The following PCDHGB4 variants were observed in gnomAD, a reference collection of about 807,000 sequenced individuals.
The protein encoded by PCDHGB4 is protocadherin gamma-B4.
In PCDHGB4, 38 loss-of-function variants were observed where a neutral mutation model predicts 60.5. That is an observed-to-expected ratio of 0.63 (90% CI 0.48 to 0.82). The LOEUF is 0.82. PCDHGB4 is among the 40% of genes least tolerant of loss of function. PCDHGB4 has a pLI of 0.00. For synonymous variants in PCDHGB4, 456 were observed against 509.7 expected, an observed-to-expected ratio of 0.89 and a Z score of 1.42; for missense variants, 1,109 against 1,209.6, an observed-to-expected ratio of 0.92 and a Z score of 1.23.
At position 141,490,440 on chromosome 5, in the gene PCDHGB4, T is replaced by C. The variant is rs560525159; in HGVS notation, c.2398-4367T>C. On this transcript the variant is annotated intron_variant, in intron 1 of 3. Transcript: ENST00000519479. This position sits in a 1 kb window ranked among gnomAD's most constrained non-coding sequence, Gnocchi z 5.4. ...ACCTGCCATTTCAGATTAAGCCTTC[T>C]GAGAACCACTACTCGCTGCTAACCA... 7 of 1,614,206 alleles carry C rather than the reference T, an allele frequency of 4.3e-6. No homozygotes were observed. Among genetic ancestry groups the C allele is most frequent in the Non-Finnish European group, 5.9e-6 (7 of 1,180,040 alleles).
chr5:141,442,786 A>T (rs569050347), intron 1 of PCDHGB4, among the ~76,000 whole-genome samples: 12 of 152,308 alleles, frequency 7.9e-5, no homozygotes, highest in African/African-American at 2.6e-4. Context: ...TATATTTTAT[A>T]ATTTTACTTT....
At chr5:141,453,042 A>G (rs2098754438) in intron 1 of PCDHGB4, among the ~76,000 whole-genome samples, 1 of 152,116 alleles carries the variant, frequency 6.6e-6, no homozygotes, top group Non-Finnish European at 1.5e-5. Context: ...GTTTGTTTCT[A>G]TTATGTGCAG....
chr5:141,438,471 A>C (rs1019238906), intron 1 of PCDHGB4, among the ~76,000 whole-genome samples: 4 of 151,396 alleles, frequency 2.6e-5, no homozygotes, highest in Admixed American at 2.6e-4. Flanking sequence ...CAATTATTGG[A>C]AAGTGGTCTC....
At position 141,389,451 on chromosome 5, in the gene PCDHGB4, C is replaced by T; in HGVS notation, c.1567C>T (p.Leu523=). 1 of 1,610,536 alleles carries T rather than the reference C, an allele frequency of 6.2e-7. No homozygotes were observed. Among genetic ancestry groups the T allele is most frequent in the South Asian group, 1.1e-5 (1 of 90,808 alleles). Residue 523 remains leucine (L), a synonymous_variant, in exon 1 of 4, where the codon CTG becomes TTG. Coordinates refer to ENST00000519479, the MANE Select transcript of PCDHGB4 (RefSeq NM_003736.4). ...GCAGCGCGCCTTCGACCACGAGCAG[C>T]TGCGCGCCTTCGAACTCACACTGCA... is the stretch of plus-strand genomic sequence containing the variant. ...FAQRAFDHEQ[L]RAFELTLQAR...
In PCDHGB4 at chr5:141,486,476, C is replaced by G. The variant is rs765887978; in HGVS notation, c.2398-8331C>G. The G allele has an allele frequency of 5.0e-6, 8 of 1,613,934 alleles. No homozygotes were observed. In the South Asian group the frequency reaches 7.7e-5, roughly 16 times the overall value. ...TGCTTCTGATGCTGGGAACCCTCCTCTCAGTACCCACAGAACTATTTTCCT... is the reference window on the plus strand; with the variant it reads ...TGCTTCTGATGCTGGGAACCCTCCTGTCAGTACCCACAGAACTATTTTCCT... On this transcript the variant is annotated intron_variant, in intron 1 of 3. Coordinates refer to ENST00000519479, the MANE Select transcript of PCDHGB4 (RefSeq NM_003736.4). The surrounding 1 kb of genome is among the most constrained non-coding windows in gnomAD (Gnocchi z 5.0).
intron 1 of PCDHGB4, among the ~76,000 whole-genome samples, chr5:141,464,935 T>A (rs1157718693): frequency 6.6e-6 from 1 of 151,882 alleles, no homozygotes; most frequent in African/African-American, 2.4e-5. Flanking sequence ...AGATGTGAGG[T>A]CTCACTATGT....
In PCDHGB4 at chr5:141,390,100, C is replaced by G; in HGVS notation, c.2216C>G (p.Pro739Arg). The G allele has an allele frequency of 6.2e-7, 1 of 1,614,060 alleles. No individual in the cohort carries two copies. Among genetic ancestry groups the G allele is most frequent in the South Asian group, 1.1e-5 (1 of 91,092 alleles). Residue 739 changes from proline (P) to arginine (R), a missense_variant, in exon 1 of 4, where the codon CCC becomes CGC. Physicochemically the swap from Pro to Arg is moderately radical, Grantham distance 103 (BLOSUM62 -2). This residue lies in a region of PCDHGB4 where 1,068 missense variants were observed against 1,089.9 expected (regional missense o/e 0.98). Coordinates refer to ENST00000519479, the MANE Select transcript of PCDHGB4 (RefSeq NM_003736.4). The stretch of plus-strand genomic sequence containing the variant: ...GTTAAATCCGAATCCGTGGTTCCCC[C>G]CAACTACAGCGAGGGGACTTTGCCT... ...LCVKSESVVP[P>R]NYSEGTLPYS... is the part of the protein sequence containing the mutation.
chr5:141,404,907 C>T (rs2094582940), intron 1 of PCDHGB4: 1 of 1,613,890 alleles, frequency 6.2e-7, no homozygotes. Context: ...CATGGCCAGC[C>T]CCCTCTCTCG....
At chr5:141,425,289 A>C (rs17208404) in intron 1 of PCDHGB4, among the ~76,000 whole-genome samples, 26,691 of 152,172 alleles carry the variant, frequency 0.18, 2,539 homozygotes, top group Admixed American at 0.28. Flanking sequence ...CATATTATAA[A>C]ACCTCATCTA....
intron 1 of PCDHGB4, chr5:141,484,858 T>A: frequency 4.1e-6 from 1 of 245,806 alleles, no homozygotes; most frequent in Non-Finnish European, 7.8e-6. Context: ...TTTTGGGGGG[T>A]GGGGGAGCGT....
intron 1 of PCDHGB4, chr5:141,421,591 G>T: frequency 6.2e-7 from 1 of 1,613,874 alleles, no homozygotes; most frequent in Non-Finnish European, 8.5e-7. Context: ...CGGAGTGGAG[G>T]TGGAAATAAT....
At chr5:141,433,694 G>T (rs539494151) in intron 1 of PCDHGB4, among the ~76,000 whole-genome samples, 1 of 152,126 alleles carries the variant, frequency 6.6e-6, no homozygotes, top group South Asian at 2.1e-4. Flanking sequence ...AAAATTAGCC[G>T]GGCGTGGTGG....
chr5:141,473,887 C>T (rs887871337), intron 1 of PCDHGB4, among the ~76,000 whole-genome samples: 3 of 152,144 alleles, frequency 2.0e-5, no homozygotes, highest in Non-Finnish European at 2.9e-5. Context: ...CACAAGGGTT[C>T]TGTTGGTTCA....
At position 141,473,164 on chromosome 5, in the gene PCDHGB4, G is replaced by A. The variant is rs190029663; in HGVS notation, c.2398-21643G>A. Among the ~76,000 whole-genome samples the A allele has an allele frequency of 1.6e-3, 241 of 152,250 alleles. 5 individuals carry two copies. The highest frequency in any genetic ancestry group is 2.1e-4 in the Non-Finnish European group (14 of 68,014). ...TCTTCAGATCACTAGGGCTAGGAAG[G>A]CCCACTGGTAACTTGAAGGAGTAAA... On this transcript the variant is annotated intron_variant, in intron 1 of 3. Transcript: ENST00000519479.
chr5:141,422,478 G>C, intron 1 of PCDHGB4: 1 of 1,613,914 alleles, frequency 6.2e-7, no homozygotes, highest in Non-Finnish European at 8.5e-7. Flanking sequence ...AGTTGGTCCA[G>C]AGCTACAATA....
At chr5:141,484,102 A>T (rs1404220648) in intron 1 of PCDHGB4, among the ~76,000 whole-genome samples, 1 of 152,206 alleles carries the variant, frequency 6.6e-6, no homozygotes, top group African/African-American at 2.4e-5. Flanking sequence ...GTTGGTAATT[A>T]ACAAAAGATC....
At chr5:141,427,946 T>A (rs769401863) in intron 1 of PCDHGB4, 1 of 1,586,550 alleles carries the variant, frequency 6.3e-7, no homozygotes, top group Middle Eastern at 1.7e-4. Flanking sequence ...GCGACCTCAA[T>A]GACAATGTGC....
At chr5:141,397,818 T>TAA (rs748152113) in intron 1 of PCDHGB4, among the ~76,000 whole-genome samples, 1 of 152,226 alleles carries the variant, frequency 6.6e-6, no homozygotes, top group Non-Finnish European at 1.5e-5. Flanking sequence ...CAAAAACAAT[T>TAA]ACTGCACTGG....
At chr5:141,414,918 G>A (rs1316323072) in intron 1 of PCDHGB4, 2 of 1,614,180 alleles carry the variant, frequency 1.2e-6, no homozygotes, top group Admixed American at 3.3e-5. Flanking sequence ...GCGTGGAGCT[G>A]GCGCCCCGCT....
Sources: allele counts gnomAD v4.1 joint callset (sites outside exome capture counted in the v4.1 genomes callset), GRCh38; gene constraint gnomAD v4.1.1; regional missense constraint gnomAD v4.1.1; non-coding constraint Gnocchi (gnomAD v3.1); transcripts MANE v1.5; gene names NCBI Gene and HGNC (gene_info 2026-07-23, HGNC 2026-07-21).